KLF8: variants seen among roughly 807,000 people sequenced by gnomAD.
The protein encoded by KLF8 is KLF transcription factor 8, also known as Krueppel-like factor 8.
In KLF8, 10 loss-of-function variants were observed where a neutral mutation model predicts 18.2. That is an observed-to-expected ratio of 0.55 (90% CI 0.34 to 0.93). The LOEUF (loss-of-function observed/expected upper bound fraction) is 0.93. Among genes scored for constraint, KLF8 ranks in the 40% least tolerant of loss-of-function variants. The pLI, the probability that KLF8 is intolerant of heterozygous loss-of-function variation, is 0.02. For missense variants in KLF8, 264 were observed against 277.9 expected, an observed-to-expected ratio of 0.95 and a Z score of 0.36; for synonymous variants, 109 against 97.3, an observed-to-expected ratio of 1.12 and a Z score of -0.71.
the KLF8 span, among the ~76,000 whole-genome samples, chrX:56,200,873 A>G: frequency 8.9e-6 from 1 of 111,813 alleles, no homozygotes; most frequent in South Asian, 3.7e-4. Flanking sequence ...GACACTCAGC[A>G]TTATTAATCA....
At chrX:56,220,508 A>G in the KLF8 span, among the ~76,000 whole-genome samples, 1 of 110,737 alleles carries the variant, frequency 9.0e-6, no homozygotes, top group African/African-American at 3.3e-5. Context: ...TTTTTTGAGA[A>G]AAAGTCTCAC....
chrX:55,991,147 T>A, the KLF8 span, among the ~76,000 whole-genome samples: 3 of 112,349 alleles, frequency 2.7e-5, no homozygotes, highest in South Asian at 1.1e-3. Flanking sequence ...TGCCATGGGC[T>A]CCATCCATTT....
chrX:56,213,224 G>A, the KLF8 span, among the ~76,000 whole-genome samples: 1 of 106,187 alleles, frequency 9.4e-6, no homozygotes, highest in Non-Finnish European at 1.9e-5. Context: ...TACTAGTTGT[G>A]TGACTTTGAG....
At chrX:56,205,758 G>A in the KLF8 span, among the ~76,000 whole-genome samples, 1 of 111,495 alleles carries the variant, frequency 9.0e-6, no homozygotes, top group African/African-American at 3.3e-5. Flanking sequence ...ATGTTTGGTG[G>A]AATTCACCAG....
the KLF8 span, among the ~76,000 whole-genome samples, chrX:56,094,885 G>T: frequency 9.0e-6 from 1 of 111,424 alleles, no homozygotes; most frequent in Non-Finnish European, 1.9e-5. Flanking sequence ...AACATACCAT[G>T]CTCTTGCATT....
intron 1 of KLF8, among the ~76,000 whole-genome samples, chrX:56,243,936 G>A (rs978925643): frequency 9.0e-6 from 1 of 111,645 alleles, no homozygotes; most frequent in African/African-American, 3.3e-5. Flanking sequence ...AGCCTGTTTG[G>A]GGGAAATGAG....
the KLF8 span, among the ~76,000 whole-genome samples, chrX:56,058,311 T>C: frequency 5.8e-5 from 3 of 51,435 alleles, no homozygotes; most frequent in East Asian, 7.7e-4. Flanking sequence ...TATATATATA[T>C]ATATATATAT....
chrX:56,261,007 A>T (rs1330270534), intron 2 of KLF8, among the ~76,000 whole-genome samples: 2 of 112,045 alleles, frequency 1.8e-5, no homozygotes, highest in African/African-American at 6.5e-5. Context: ...GAAACTTTGT[A>T]ACAGTTGATT....
At chrX:55,979,091 AG>A in the KLF8 span, among the ~76,000 whole-genome samples, 3 of 7,524 alleles carry the variant, frequency 4.0e-4, no homozygotes, top group East Asian at 0.5. Context: ...ATATAGGGCG[AG>A]AGAGAGAGAG....
the KLF8 span, among the ~76,000 whole-genome samples, chrX:56,061,223 CT>C: frequency 9.0e-6 from 1 of 111,292 alleles, no homozygotes; most frequent in African/African-American, 3.3e-5. Context: ...GATTTGTTTG[CT>C]CTTGCTTCTC....
the KLF8 span, among the ~76,000 whole-genome samples, chrX:56,187,673 C>A: frequency 9.0e-6 from 1 of 110,780 alleles, no homozygotes; most frequent in African/African-American, 3.3e-5. Context: ...AACTTATCCA[C>A]CATGATCAAG....
At chrX:56,022,608 G>A in the KLF8 span, among the ~76,000 whole-genome samples, 72 of 105,048 alleles carry the variant, frequency 6.9e-4, no homozygotes, top group African/African-American at 2.4e-3. Context: ...CTCAGTAGGA[G>A]CATGAGCTTT....
chrX:56,104,528 G>T, the KLF8 span, among the ~76,000 whole-genome samples: 1 of 111,411 alleles, frequency 9.0e-6, no homozygotes, highest in African/African-American at 3.3e-5. Flanking sequence ...ATTCTCTGAT[G>T]GTACTTTGTA....
At chrX:56,052,861 C>T in the KLF8 span, among the ~76,000 whole-genome samples, 2 of 111,691 alleles carry the variant, frequency 1.8e-5, no homozygotes, top group Admixed American at 9.5e-5. Context: ...GCACCCCTCC[C>T]CCAGCCTCCT....
chrX:55,961,575 C>A, the KLF8 span: 1 of 516,729 alleles, frequency 1.9e-6, no homozygotes, highest in South Asian at 2.4e-5. Flanking sequence ...TGAAAAATGT[C>A]CAGTTATTCA....
the KLF8 span, among the ~76,000 whole-genome samples, chrX:55,986,604 G>T: frequency 1.8e-5 from 2 of 112,117 alleles, no homozygotes; most frequent in Non-Finnish European, 3.8e-5. Flanking sequence ...GCAGACCGCA[G>T]CTGCTTCCAA....
chrX:56,185,881 A>G, the KLF8 span, among the ~76,000 whole-genome samples: 1 of 112,104 alleles, frequency 8.9e-6, no homozygotes, highest in African/African-American at 3.2e-5. Context: ...GAAGCACTAA[A>G]CATGGAAAGG....
At chrX:56,033,858 C>A in the KLF8 span, among the ~76,000 whole-genome samples, 1 of 111,982 alleles carries the variant, frequency 8.9e-6, no homozygotes, top group African/African-American at 3.2e-5. Flanking sequence ...ATAGTTGTTT[C>A]TTGCTAGTCA....
the KLF8 span, among the ~76,000 whole-genome samples, chrX:56,062,183 G>C: frequency 9.1e-6 from 1 of 109,824 alleles, no homozygotes; most frequent in Non-Finnish European, 1.9e-5. Context: ...ATTTTGTTAT[G>C]TGTGAATTTG....
Sources: gnomAD v4.1 joint callset for allele counts (sites outside exome capture counted in the v4.1 genomes callset) on GRCh38, gnomAD v4.1.1 for gene constraint, MANE v1.5 for transcripts, NCBI Gene and HGNC (gene_info 2026-07-23, HGNC 2026-07-21) for gene names.